Variants in ALPK1 observed in about 807,000 individuals in gnomAD.
The protein encoded by ALPK1 is alpha-protein kinase 1.
Under a neutral mutation model 120.6 loss-of-function variants are expected in ALPK1, and 110 were observed. The ratio of observed to expected loss-of-function variants is 0.91; its 90% CI spans 0.78 to 1.07. The LOEUF (loss-of-function observed/expected upper bound fraction) is 1.07. Ranked by LOEUF, ALPK1 falls within the 50% of genes least tolerant of loss-of-function variation. ALPK1 has a pLI of 0.00. For synonymous variants in ALPK1, 582 were observed against 560.3 expected, an observed-to-expected ratio of 1.04 and a Z score of -0.55; for missense variants, 1,498 against 1,483.9, an observed-to-expected ratio of 1.01 and a Z score of -0.16.
At chr4:112,414,283 A>T (rs1032324814) in intron 5 of ALPK1, 2 of 495,870 alleles carry the variant, frequency 4.0e-6, no homozygotes, top group Non-Finnish European at 8.1e-6. Flanking sequence ...CCAGCCAAAC[A>T]CTCAATGTAG....
intron 4 of ALPK1, among the ~76,000 whole-genome samples, chr4:112,408,581 C>A (rs1278575146): frequency 6.6e-6 from 1 of 151,548 alleles, no homozygotes; most frequent in Non-Finnish European, 1.5e-5. Flanking sequence ...TTAAGTGATT[C>A]TCCTGCCTCA....
At chr4:112,330,249 A>T (rs1729307794) in intron 2 of ALPK1, among the ~76,000 whole-genome samples, 1 of 152,216 alleles carries the variant, frequency 6.6e-6, no homozygotes. Flanking sequence ...CTGTAAATGC[A>T]GACTTATTTT....
At chr4:112,430,367 C>T (rs1734482382) in intron 10 of ALPK1, 81 bp from the exon 11 acceptor site, 2 of 1,270,754 alleles carry the variant, frequency 1.6e-6, no homozygotes, top group Admixed American at 4.6e-5. Context: ...AAATGACTGT[C>T]CTCCAGAAAT....
At chr4:112,382,328 T>A in intron 3 of ALPK1, 70 bp from the exon 4 acceptor site, 46 of 1,030,272 alleles carry the variant, frequency 4.5e-5, no homozygotes, top group Middle Eastern at 3.3e-4. Flanking sequence ...AGGTGCTTCA[T>A]CATAACATTG....
intron 2 of ALPK1, among the ~76,000 whole-genome samples, chr4:112,321,144 G>T (rs1272251421): frequency 6.6e-6 from 1 of 151,664 alleles, no homozygotes; most frequent in Non-Finnish European, 1.5e-5. Context: ...TGATCCTCCC[G>T]CCTAGGACTC....
chr4:112,377,852 G>C lies in ALPK1; in HGVS notation c.75G>C (p.Ala25=). The part of the protein sequence containing the change: ...KQVLDQLLLE[A]PDVSEEDKSE... ...TGCTGGATCAGCTCTTGTTGGAAGC[G>C]CCAGATGTGTCGGAAGAGGACAAGA... Residue 25 remains alanine (A), a synonymous_variant, in exon 3 of 16, where the codon GCG becomes GCC. Coordinates refer to ENST00000650871, the MANE Select transcript of ALPK1 (RefSeq NM_025144.4). The C allele has an allele frequency of 6.2e-7, 1 of 1,613,496 alleles. No homozygotes were observed. Among genetic ancestry groups the C allele is most frequent in the African/African-American group, 1.3e-5 (1 of 74,986 alleles).
intron 2 of ALPK1, among the ~76,000 whole-genome samples, chr4:112,333,778 T>TA (rs1729490860): frequency 6.6e-6 from 1 of 152,230 alleles, no homozygotes; most frequent in South Asian, 2.1e-4. Context: ...TATTGGTGTG[T>TA]AAGCCCATTC....
At chr4:112,417,531 G>A (rs1422787563) in intron 5 of ALPK1, among the ~76,000 whole-genome samples, 1 of 152,122 alleles carries the variant, frequency 6.6e-6, no homozygotes, top group Non-Finnish European at 1.5e-5. Context: ...CTGTTACCCA[G>A]GCTAGAGTAC....
intron 4 of ALPK1, among the ~76,000 whole-genome samples, chr4:112,386,641 C>T (rs1560665043): frequency 1.3e-5 from 2 of 152,138 alleles, no homozygotes; most frequent in Non-Finnish European, 2.9e-5. Context: ...AATGTCTCAT[C>T]GTGCCATAGA....
intron 4 of ALPK1, among the ~76,000 whole-genome samples, chr4:112,401,029 G>A (rs1448851180): frequency 6.6e-6 from 1 of 152,106 alleles, no homozygotes; most frequent in Non-Finnish European, 1.5e-5. Context: ...GAATCACCTG[G>A]GATTGTTAAA....
At chr4:112,345,859 A>G (rs1046394388) in intron 2 of ALPK1, among the ~76,000 whole-genome samples, 1 of 152,186 alleles carries the variant, frequency 6.6e-6, no homozygotes, top group African/African-American at 2.4e-5. Context: ...GTATTTCAGA[A>G]TGTATCCCTA....
At chr4:112,420,837 GAGAA>G (rs1158959526) in intron 5 of ALPK1, among the ~76,000 whole-genome samples, 1 of 141,648 alleles carries the variant, frequency 7.1e-6, no homozygotes, top group Non-Finnish European at 1.6e-5. Context: ...CATACATAGA[GAGAA>G]AGAGAGAGAG....
rs996998545 is a variant in ALPK1 at position 112,431,447 on chromosome 4, G to A, written c.1900G>A (p.Glu634Lys). The stretch of plus-strand genomic sequence containing the variant: ...GTCTGAGGAGCTAGAGAATGACAGG[G>A]AAGGCAGAGCTATGCATTCATTGCA... ...ALSEELENDR[E>K]GRAMHSLHSQ... is the part of the protein sequence containing the mutation. Residue 634 changes from glutamate to lysine, a missense_variant, in exon 11 of 16, where the codon GAA becomes AAA. Physicochemically the swap from Glu to Lys is moderately conservative, Grantham distance 56. Coordinates refer to ENST00000650871, the MANE Select transcript of ALPK1 (RefSeq NM_025144.4). 1.9e-6 allele frequency: 3 copies of A among 1,614,206 alleles called. No homozygotes were observed. Among genetic ancestry groups the A allele is most frequent in the African/African-American group, 2.7e-5 (2 of 75,056 alleles).
At chr4:112,403,053 G>A (rs926807008) in intron 4 of ALPK1, among the ~76,000 whole-genome samples, 1 of 151,600 alleles carries the variant, frequency 6.6e-6, no homozygotes, top group Non-Finnish European at 1.5e-5. Flanking sequence ...TTTTTAGGGG[G>A]TGGGGGAGGG....
chr4:112,319,520 A>G (rs1020630184), intron 2 of ALPK1, among the ~76,000 whole-genome samples: 4 of 152,166 alleles, frequency 2.6e-5, no homozygotes, highest in African/African-American at 9.7e-5. Flanking sequence ...TGCTTTGGCT[A>G]TGCTGGCTCT....
At chr4:112,303,235 C>T (rs1727869618) in intron 1 of ALPK1, among the ~76,000 whole-genome samples, 1 of 152,110 alleles carries the variant, frequency 6.6e-6, no homozygotes, top group South Asian at 2.1e-4. Flanking sequence ...ATATTAAAGG[C>T]CCTGCCATTC....
chr4:112,400,561 G>A (rs985424373), intron 4 of ALPK1, among the ~76,000 whole-genome samples: 1 of 152,192 alleles, frequency 6.6e-6, no homozygotes, highest in Non-Finnish European at 1.5e-5. Context: ...TATCATGGTT[G>A]TGTTTTTTTC....
intron 12 of ALPK1, among the ~76,000 whole-genome samples, chr4:112,436,842 A>T (rs542256571): frequency 1.3e-5 from 2 of 152,212 alleles, no homozygotes; most frequent in Non-Finnish European, 2.9e-5. Flanking sequence ...AGGACCTGAG[A>T]TGAGAATAAA....
At chr4:112,384,114 T>A (rs1381211406) in intron 4 of ALPK1, 2 of 152,200 alleles carry the variant, frequency 1.3e-5, no homozygotes, top group East Asian at 3.9e-4. Flanking sequence ...TTATCATCCC[T>A]CTTTTGAACA....
Sources: gnomAD v4.1 joint callset for allele counts (sites outside exome capture counted in the v4.1 genomes callset) on GRCh38, gnomAD v4.1.1 for gene constraint, MANE v1.5 for transcripts, NCBI Gene and HGNC (gene_info 2026-07-23, HGNC 2026-07-21) for gene names.